Variants in PTPRM observed in about 807,000 individuals in gnomAD.
PTPRM encodes the protein receptor-type tyrosine-protein phosphatase mu.
In PTPRM, 47 loss-of-function variants were observed where a neutral mutation model predicts 186.7. The observed-to-expected ratio is 0.25, with a 90% CI of 0.20 to 0.32. The LOEUF is 0.32. Ranked by LOEUF, PTPRM falls within the 10% of genes least tolerant of loss-of-function variation. The probability of loss-of-function intolerance (pLI) is 1.00; values close to 1 mark genes in which losing one functional copy is unlikely to be tolerated. For synonymous variants in PTPRM, 668 were observed against 674.9 expected (o/e 0.99, Z 0.16); for missense variants, 1,494 against 1,865.0 (o/e 0.80, Z 3.66).
chr18:8,219,427 A>G (rs1012262367), intron 14 of PTPRM, among the ~76,000 whole-genome samples: 2 of 151,898 alleles, frequency 1.3e-5, no homozygotes, highest in Non-Finnish European at 2.9e-5. Flanking sequence ...AGATCAGGCC[A>G]CTGCACTCCA....
chr18:7,841,981 T>G (rs932833527), intron 2 of PTPRM, among the ~76,000 whole-genome samples: 1 of 152,218 alleles, frequency 6.6e-6, no homozygotes, highest in Non-Finnish European at 1.5e-5. Context: ...TTGTTGACTT[T>G]GGCTTTTTCA....
intron 1 of PTPRM, among the ~76,000 whole-genome samples, chr18:7,752,817 A>G (rs2041284863): frequency 6.6e-6 from 1 of 152,044 alleles, no homozygotes; most frequent in Admixed American, 6.5e-5. Flanking sequence ...CTACGTACCT[A>G]GATGTTTTTT....
intron 7 of PTPRM, among the ~76,000 whole-genome samples, chr18:8,029,548 G>T (rs2085816216): frequency 6.6e-6 from 1 of 152,114 alleles, no homozygotes; most frequent in South Asian, 2.1e-4. Flanking sequence ...TCCTGTGCTG[G>T]CTCCCTGCCA....
At chr18:8,106,267 C>CAA (rs2145611243) in intron 11 of PTPRM, among the ~76,000 whole-genome samples, 1 of 152,158 alleles carries the variant, frequency 6.6e-6, no homozygotes, top group Non-Finnish European at 1.5e-5. Context: ...GAAGGGTACT[C>CAA]ACAAGCAATT....
At chr18:8,024,469 T>C (rs941936675) in intron 7 of PTPRM, among the ~76,000 whole-genome samples, 3 of 152,136 alleles carry the variant, frequency 2.0e-5, no homozygotes, top group Admixed American at 1.3e-4. Context: ...GGTGACCACG[T>C]AATTTGTCAT....
intron 22 of PTPRM, among the ~76,000 whole-genome samples, chr18:8,320,248 A>G (rs2148072180): frequency 6.6e-6 from 1 of 152,352 alleles, no homozygotes; most frequent in South Asian, 2.1e-4. Context: ...GGAATCAACG[A>G]TGCCAAGATA....
chr18:8,326,058 A>G (rs2095374176), intron 22 of PTPRM, among the ~76,000 whole-genome samples: 1 of 152,138 alleles, frequency 6.6e-6, no homozygotes, highest in Non-Finnish European at 1.5e-5. Context: ...TAAGTTCCTT[A>G]TAGACTCTGG....
intron 1 of PTPRM, among the ~76,000 whole-genome samples, chr18:7,616,042 C>G (rs2037795499): frequency 6.6e-6 from 1 of 152,180 alleles, no homozygotes; most frequent in Non-Finnish European, 1.5e-5. Context: ...CGAGCCGCCA[C>G]TCATTTCCTG....
At chr18:8,363,828 A>C (rs1394324641) in intron 23 of PTPRM, among the ~76,000 whole-genome samples, 8 of 152,242 alleles carry the variant, frequency 5.3e-5, no homozygotes, top group Non-Finnish European at 1.2e-4. Flanking sequence ...TTGTAGGATA[A>C]CACTTAAAAT....
chr18:7,848,731 C>G (rs539992051), intron 2 of PTPRM, among the ~76,000 whole-genome samples: 20 of 152,130 alleles, frequency 1.3e-4, no homozygotes, highest in Non-Finnish European at 2.5e-4. Flanking sequence ...CCACTGTACT[C>G]CAGCCTGTGT....
At chr18:8,327,603 T>C (rs2095385782) in intron 22 of PTPRM, among the ~76,000 whole-genome samples, 1 of 152,134 alleles carries the variant, frequency 6.6e-6, no homozygotes, top group South Asian at 2.1e-4. Context: ...ACTTAGACAG[T>C]AGAATATCTC....
intron 7 of PTPRM, among the ~76,000 whole-genome samples, chr18:8,004,968 A>G (rs1443896357): frequency 6.6e-6 from 1 of 152,192 alleles, no homozygotes; most frequent in Non-Finnish European, 1.5e-5. Context: ...AGTGCATATA[A>G]GTGATGACAA....
chr18:8,126,008 TATATATATATA>T lies in PTPRM; in HGVS notation c.2167+11182_2167+11192del, dbSNP rs1404989375. On this transcript the variant is annotated intron_variant, in intron 13 of 32. Coordinates refer to ENST00000580170, the MANE Select transcript of PTPRM (RefSeq NM_001105244.2). Reference sequence around the variant, plus strand: ...ATATATATATATATATATATATATATATATATATATATATATATATTTTAAATCAGTAGACC... The same window carrying T: ...ATATATATATATATATATATATATATTATATATATTTTAAATCAGTAGACC... 1.9e-3 allele frequency among the ~76,000 whole-genome samples: 42 copies of T among 22,510 alleles called. 1 individual carries two copies. Among genetic ancestry groups the T allele is most frequent in the East Asian group, 3.0e-3 (2 of 660 alleles). The allele number at this position is 22,510 out of a possible 152,430, so 14.8% of individuals were successfully genotyped here.
rs12327179 is a variant in PTPRM, at chr18:7,946,139, C to T, written c.664-3042C>T. ...AGACAGTGCTACTGTGAGTCATACT[C>T]CTCTCAGCATATGCATAAATCCAAA... On this transcript the variant is annotated intron_variant, in intron 5 of 32. Coordinates refer to ENST00000580170, the MANE Select transcript of PTPRM (RefSeq NM_001105244.2). Among the ~76,000 whole-genome samples the T allele has an allele frequency of 2.1e-3, 314 of 152,314 alleles. 1 individual carries two copies. The highest frequency in any genetic ancestry group is 3.9e-3 in the Non-Finnish European group (263 of 68,038).
chr18:7,630,870 A>G (rs1466512165), intron 1 of PTPRM, among the ~76,000 whole-genome samples: 4 of 152,144 alleles, frequency 2.6e-5, no homozygotes, highest in African/African-American at 7.2e-5. Flanking sequence ...GTTATCTATG[A>G]AGGGGGATGG....
At chr18:8,209,263 A>T (rs1014260694) in intron 14 of PTPRM, among the ~76,000 whole-genome samples, 6 of 152,098 alleles carry the variant, frequency 3.9e-5, no homozygotes, top group African/African-American at 1.4e-4. Context: ...AAGCGAAGAG[A>T]CTGCACCGAC....
intron 7 of PTPRM, among the ~76,000 whole-genome samples, chr18:8,050,158 T>G (rs2087376017): frequency 6.6e-6 from 1 of 152,190 alleles, no homozygotes; most frequent in African/African-American, 2.4e-5. Context: ...TGAACAGAGA[T>G]ATTAATTTTG....
rs1313081938 is a variant in PTPRM at position 8,376,562 on chromosome 18, C to T, written c.3427C>T (p.Leu1143=). Residue 1143 remains leucine, a synonymous_variant, in exon 26 of 33, where the codon CTG becomes TTG. Coordinates refer to ENST00000580170, the MANE Select transcript of PTPRM (RefSeq NM_001105244.2). ...AGACATCTACAACTGCGTCAGGGAG[C>T]TGCGGTCACGGAGGGTGAACATGGT... ...VVDIYNCVRE[L]RSRRVNMVQT... 7 of 1,613,848 alleles carry T rather than the reference C, an allele frequency of 4.3e-6. No individual in the cohort carries two copies. The South Asian group carries it at 5.5e-5, about 13-fold the overall frequency.
chr18:8,387,177 G>C lies in PTPRM; in HGVS notation c.4150G>C (p.Val1384Leu), dbSNP rs746605958. The C allele has an allele frequency of 2.7e-5, 44 of 1,613,786 alleles. No homozygotes were observed. Among genetic ancestry groups the C allele is most frequent in the Non-Finnish European group, 3.7e-5 (44 of 1,179,674 alleles). Residue 1384 changes from valine (V) to leucine (L), a missense_variant, in exon 31 of 33, where the codon GTG (valine) becomes CTG (leucine). This residue lies in a region of PTPRM where 1,107 missense variants were observed against 1,350.2 expected (regional missense o/e 0.82). Coordinates refer to ENST00000580170, the MANE Select transcript of PTPRM (RefSeq NM_001105244.2). Reference sequence around the variant, plus strand: ...CTCCTTCTTGAAGCTCATTCGCCAGGTGGACAAGTGGCAAGAGGAGTACAA... The same window carrying C: ...CTCCTTCTTGAAGCTCATTCGCCAGCTGGACAAGTGGCAAGAGGAGTACAA... ...KRSFLKLIRQ[V>L]DKWQEEYNGG...
Sources: allele counts gnomAD v4.1 joint callset (sites outside exome capture counted in the v4.1 genomes callset), GRCh38; gene constraint gnomAD v4.1.1; regional missense constraint gnomAD v4.1.1; transcripts MANE v1.5; gene names NCBI Gene and HGNC (gene_info 2026-07-23, HGNC 2026-07-21).